BEND2: variants seen among roughly 807,000 people sequenced by gnomAD.
BEND2 encodes BEN domain-containing protein 2.
Under a neutral mutation model 43.8 loss-of-function variants are expected in BEND2, and 19 were observed. The ratio of observed to expected loss-of-function variants is 0.43; its 90% CI spans 0.30 to 0.64. The LOEUF (loss-of-function observed/expected upper bound fraction) is 0.64, where lower values mean the gene tolerates loss of function less well. BEND2 is among the 30% of genes least tolerant of loss of function. The pLI is 0.11. For synonymous variants in BEND2, 226 were observed against 210.1 expected (o/e 1.08, Z -0.66); for missense variants, 544 against 574.0 (o/e 0.95, Z 0.53).
rs1445493937 is a variant in BEND2 at position 18,201,406 on chromosome X, A to C, written c.1033+409T>G. 7.5e-4 allele frequency among the ~76,000 whole-genome samples: 73 copies of C among 97,244 alleles called. 1 individual carries two copies. Among genetic ancestry groups the C allele is most frequent in the African/African-American group, 2.0e-3 (47 of 22,987 alleles). 84.4% of individuals were successfully genotyped at this position (97,244 alleles called of 115,157 possible). ...AGCAAAACTCCATCTCAAAAAAAAA[A>C]AAAAAAAAAAACAAAAAAAAAAAAA... is the stretch of plus-strand genomic sequence containing the variant. On this transcript the variant is annotated intron_variant, in intron 6 of 13. Coordinates refer to ENST00000380033, the MANE Select transcript of BEND2 (RefSeq NM_153346.5).
intron 4 of BEND2, among the ~76,000 whole-genome samples, chrX:18,208,960 C>A: frequency 9.0e-6 from 1 of 110,622 alleles, no homozygotes; most frequent in Non-Finnish European, 1.9e-5. Flanking sequence ...CAGTTTAATT[C>A]CAGAGCTAAG....
chrX:18,197,461 C>A (rs1410040317), intron 6 of BEND2, among the ~76,000 whole-genome samples: 1 of 111,476 alleles, frequency 9.0e-6, no homozygotes, highest in African/African-American at 3.3e-5. Flanking sequence ...AGTTTAATTT[C>A]AAAAACGAGC....
Position 18,191,077 on chromosome X carries a change from C to T in BEND2, c.1212G>A (p.Met404Ile), listed in dbSNP as rs766411070. The T allele has an allele frequency of 8.3e-7, 1 of 1,209,018 alleles. No individual in the cohort carries two copies. Among genetic ancestry groups the T allele is most frequent in the African/African-American group, 1.7e-5 (1 of 57,696 alleles). Residue 404 changes from methionine (M) to isoleucine (I), a missense_variant, in exon 8 of 14, where the codon ATG (methionine) becomes ATA (isoleucine). By Grantham distance (10) the Met-to-Ile change is conservative. This residue lies in a region of BEND2 where 501 missense variants were observed against 501.6 expected (regional missense o/e 1.00). Coordinates refer to ENST00000380033, the MANE Select transcript of BEND2 (RefSeq NM_153346.5). Reference protein sequence around the residue: ...ESGPQMSYGTMSYSTEMKNNC... With the variant: ...ESGPQMSYGTISYSTEMKNNC... ...TATTTTTCATTTCAGTTGAGTAACT[C>T]ATTGTCCCATAACTCATTTGTGGGC...
At chrX:18,189,926 T>A (rs918975491) in intron 8 of BEND2, among the ~76,000 whole-genome samples, 1 of 110,301 alleles carries the variant, frequency 9.1e-6, no homozygotes, top group Non-Finnish European at 1.9e-5. Context: ...GGCACATGCC[T>A]GTAGTCCCAG....
At chrX:18,197,119 A>G (rs1473508566) in intron 6 of BEND2, among the ~76,000 whole-genome samples, 1 of 112,455 alleles carries the variant, frequency 8.9e-6, no homozygotes, top group African/African-American at 3.2e-5. Context: ...TCTTACAAAT[A>G]CATGTGAATC....
intron 11 of BEND2, among the ~76,000 whole-genome samples, chrX:18,175,283 A>ACTAGACTCTAGACGTGGC (rs1266323387): frequency 9.0e-6 from 1 of 111,539 alleles, no homozygotes; most frequent in Non-Finnish European, 1.9e-5. Context: ...CTCTAGAGAC[A>ACTAGACTCTAGACGTGGC]CAGGAGCGAC....
intron 4 of BEND2, among the ~76,000 whole-genome samples, chrX:18,207,933 C>T (rs888881740): frequency 1.3e-4 from 14 of 108,845 alleles, no homozygotes; most frequent in Non-Finnish European, 2.5e-4. Flanking sequence ...GCAGGAGAAT[C>T]GCTTAAGCCC....
At chrX:18,212,524 AAG>A (rs1925543142) in intron 4 of BEND2, 39 bp downstream of exon 4, 1 of 960,442 alleles carries the variant, frequency 1.0e-6, no homozygotes, top group Non-Finnish European at 1.5e-6. Context: ...GAAAAGAACA[AAG>A]AGAGATTTTC....
At chrX:18,215,824 G>A (rs750567447) in intron 2 of BEND2, among the ~76,000 whole-genome samples, 121 of 111,923 alleles carry the variant, frequency 1.1e-3, no homozygotes, top group African/African-American at 3.8e-3. Flanking sequence ...TCTAAGCAAA[G>A]GGCAAAGAAC....
In BEND2 at chrX:18,212,663, T is replaced by C. The variant is rs1925550192; in HGVS notation, c.394A>G (p.Ile132Val). Residue 132 changes from isoleucine (I) to valine (V), a missense_variant, in exon 4 of 14, where the codon ATA (isoleucine) becomes GTA (valine). Coordinates refer to ENST00000380033, the MANE Select transcript of BEND2 (RefSeq NM_153346.5). ...PPCPVAHGDQ[I>V]VSQINHPVHL... ...ACTGGGTGGTTTATCTGTGAAACTA[T>C]TTGGTCACCATGGGCTACTGTGAAG... 1 of 1,201,216 alleles carries C rather than the reference T, an allele frequency of 8.3e-7. No homozygotes were observed. Among genetic ancestry groups the C allele is most frequent in the African/African-American group, 1.8e-5 (1 of 57,003 alleles).
intron 7 of BEND2, 127 bp from the exon 8 acceptor site, chrX:18,191,235 G>C: frequency 1.9e-6 from 1 of 514,043 alleles, no homozygotes; most frequent in Non-Finnish European, 3.0e-6. Context: ...GACATTCTCA[G>C]ACAAAGAAAA....
At chrX:18,190,807 T>C (rs1194976854) in intron 8 of BEND2, among the ~76,000 whole-genome samples, 194 bp downstream of exon 8, 1 of 103,452 alleles carries the variant, frequency 9.7e-6, no homozygotes, top group Admixed American at 1.0e-4. Flanking sequence ...CACAAATGAA[T>C]ACATGAAAAG....
At position 18,176,229 on chromosome X, in the gene BEND2, C is replaced by G. The variant is rs139868300; in HGVS notation, c.1631-136G>C. ...AGCACTCTGGTGACTTCTTCTCTTT[C>G]TACTTCTCATCCTTTTCTCTTATTC... On this transcript the variant is annotated intron_variant, in intron 10 of 13. Coordinates refer to ENST00000380033, the MANE Select transcript of BEND2 (RefSeq NM_153346.5). The G allele has an allele frequency of 1.5e-3, 701 of 465,851 alleles. 5 individuals carry two copies. The East Asian group carries it at 0.019, about 13-fold the overall frequency. 38.4% of individuals were successfully genotyped at this position (465,851 alleles called of 1,213,427 possible). A position where few individuals can be genotyped will look rare whatever the true frequency, so the allele number is the denominator to read the frequency against.
chrX:18,165,960 G>A (rs1923812601), intron 13 of BEND2, among the ~76,000 whole-genome samples: 1 of 111,913 alleles, frequency 8.9e-6, no homozygotes, highest in Non-Finnish European at 1.9e-5. Context: ...TTTCAATAGG[G>A]TTAATAGGCT....
intron 7 of BEND2, among the ~76,000 whole-genome samples, chrX:18,191,958 G>A (rs1924786243): frequency 2.7e-5 from 3 of 112,211 alleles, no homozygotes; most frequent in East Asian, 5.6e-4. Context: ...AACTGCATGT[G>A]TAGCTAAATT....
intron 7 of BEND2, 32 bp downstream of exon 7, chrX:18,195,264 C>T (rs760022648): frequency 1.7e-6 from 2 of 1,175,539 alleles, no homozygotes; most frequent in Non-Finnish European, 2.3e-6. Context: ...AGATGAGAGG[C>T]CTGCTTGTGA....
rs750769600 is a variant in BEND2, at chrX:18,203,664, G to C, written c.744C>G (p.Ile248Met). The stretch of plus-strand genomic sequence containing the variant: ...CTGCTGTAGTAGCATTGGCAAATGA[G>C]ATGACAGCATTGGTACTTTCAGCAC... ...SGGAESTNAV[I>M]SFANATTAVP... is the part of the protein sequence containing the mutation. Residue 248 changes from isoleucine to methionine, a missense_variant, in exon 5 of 14, where the codon ATC (isoleucine) becomes ATG (methionine). Around this residue, in one of 2 missense-constraint regions of BEND2, gnomAD observed 501 missense variants for 501.6 expected, o/e 1.00. Transcript: ENST00000380033. 7 of 1,210,190 alleles carry C rather than the reference G, an allele frequency of 5.8e-6. No individual in the cohort carries two copies. Among genetic ancestry groups the C allele is most frequent in the Non-Finnish European group, 7.8e-6 (7 of 895,138 alleles).
At position 18,203,629 on chromosome X, in the gene BEND2, G is replaced by C. The variant is rs759077524; in HGVS notation, c.779C>G (p.Ala260Gly). ...FANATTAVPMAVLSRRESSLA... is the reference protein window; with the variant it reads ...FANATTAVPMGVLSRRESSLA... ...ACTGGATTCTCTTCGTGACAGAACT[G>C]CCATAGGTACTGCTGTAGTAGCATT... is the stretch of plus-strand genomic sequence containing the variant. Residue 260 changes from alanine to glycine, a missense_variant, in exon 5 of 14, where the codon GCA (alanine) becomes GGA (glycine). Physicochemically the swap from Ala to Gly is moderately conservative, Grantham distance 60 (BLOSUM62 0). Around this residue, in one of 2 missense-constraint regions of BEND2, gnomAD observed 501 missense variants for 501.6 expected, o/e 1.00. Transcript: ENST00000380033. 8.3e-7 allele frequency: 1 copy of C among 1,211,396 alleles called. No homozygotes were observed. Among genetic ancestry groups the C allele is most frequent in the South Asian group, 1.8e-5 (1 of 56,983 alleles).
rs750510729 is a variant in BEND2, at chrX:18,180,614, G to T, written c.1325C>A (p.Thr442Asn). Reference protein sequence around the residue: ...LPLNILVKVDTNTENSVNTMN... With the variant: ...LPLNILVKVDNNTENSVNTMN... ...TGTGTTGACGCTGTTTTCCGTGTTG[G>T]TGTCTACTTTTACCAAAATATTCAG... Residue 442 changes from threonine (T) to asparagine (N), a missense_variant, in exon 9 of 14, where the codon ACC becomes AAC. Physicochemically the swap from Thr to Asn is moderately conservative, Grantham distance 65. Transcript: ENST00000380033. The T allele has an allele frequency of 7.4e-6, 9 of 1,208,710 alleles. No homozygotes were observed. The highest frequency in any genetic ancestry group is 1.7e-5 in the African/African-American group (1 of 57,158).
Sources: gnomAD v4.1 joint callset for allele counts (sites outside exome capture counted in the v4.1 genomes callset) on GRCh38, gnomAD v4.1.1 for gene constraint, gnomAD v4.1.1 regional missense constraint, MANE v1.5 for transcripts, NCBI Gene and HGNC (gene_info 2026-07-23, HGNC 2026-07-21) for gene names.